CYP4F22: variants seen among roughly 807,000 people sequenced by gnomAD.
CYP4F22 encodes cytochrome P450 family 4 subfamily F member 22, also known as ultra-long-chain fatty acid omega-hydroxylase.
CYP4F22 carries 37 observed loss-of-function variants against 60.4 expected under a neutral mutation model. That is an observed-to-expected ratio of 0.61 (90% CI 0.47 to 0.81). The LOEUF is 0.81. Among genes scored for constraint, CYP4F22 ranks in the 30% least tolerant of loss-of-function variants. The pLI is 0.00. For synonymous variants in CYP4F22, 258 were observed against 280.5 expected (o/e 0.92, Z 0.80); for missense variants, 655 against 715.0 (o/e 0.92, Z 0.96).
intron 3 of CYP4F22, among the ~76,000 whole-genome samples, chr19:15,526,249 C>T (rs898042146): frequency 6.6e-5 from 10 of 152,062 alleles, no homozygotes; most frequent in African/African-American, 2.2e-4. Flanking sequence ...GTTTGGAATC[C>T]CAGGGCAGGG....
At chr19:15,534,951 TA>T (rs2144524674) in intron 4 of CYP4F22, among the ~76,000 whole-genome samples, 1 of 152,244 alleles carries the variant, frequency 6.6e-6, no homozygotes, top group African/African-American at 2.4e-5. Flanking sequence ...GACTGACAGT[TA>T]AGCAGGAACT....
At chr19:15,514,843 C>T (rs1178139837) in intron 1 of CYP4F22, among the ~76,000 whole-genome samples, 1 of 152,050 alleles carries the variant, frequency 6.6e-6, no homozygotes, top group Non-Finnish European at 1.5e-5. Context: ...AGTGGTGGGG[C>T]CGTGGCACAC....
chr19:15,535,756 A>G (rs1971388305), intron 4 of CYP4F22, among the ~76,000 whole-genome samples: 1 of 151,978 alleles, frequency 6.6e-6, no homozygotes, highest in Admixed American at 6.6e-5. Flanking sequence ...CTGTCCCTCT[A>G]CTCATCCATC....
intron 1 of CYP4F22, chr19:15,515,970 G>C (rs1475972411): frequency 6.6e-6 from 1 of 151,982 alleles, no homozygotes; most frequent in East Asian, 2.0e-4. Flanking sequence ...TGATCTGCCC[G>C]CCTCAGCCTC....
At chr19:15,523,384 C>A (rs747674175) in intron 1 of CYP4F22, among the ~76,000 whole-genome samples, 27 of 150,688 alleles carry the variant, frequency 1.8e-4, no homozygotes, top group Non-Finnish European at 2.8e-4. Flanking sequence ...AAAAAACTCA[C>A]AACAAGATCC....
rs763931799 is a variant in CYP4F22, at chr19:15,549,211, C to T, written c.1335+9C>T. On this transcript the variant is annotated intron_variant, in intron 12 of 13. Coordinates refer to ENST00000269703, the MANE Select transcript of CYP4F22 (RefSeq NM_173483.4). ...TGTGGCCTGACTCCAAGGTGAGTGC[C>T]TGCCCCACTCCTCCCTGCCCTCAGG... 2.5e-6 allele frequency: 4 copies of T among 1,614,050 alleles called. No individual in the cohort carries two copies. In the East Asian group the frequency reaches 8.9e-5, roughly 36 times the overall value.
intron 1 of CYP4F22, among the ~76,000 whole-genome samples, chr19:15,510,460 G>A (rs998580689): frequency 6.6e-6 from 1 of 152,122 alleles, no homozygotes; most frequent in African/African-American, 2.4e-5. Flanking sequence ...TGTCTTAATG[G>A]ATGAAGAAAT....
rs766310614 is a variant in CYP4F22 at position 15,540,693 on chromosome 19, T to C, written c.915T>C (p.Phe305=). ...LKAKQGKTLD[F]IDVLLLARDE... is the part of the protein sequence containing the mutation. ...CCAAGCAGGGGAAGACCTTGGACTT[T>C]ATTGATGTGCTGCTCCTGGCCAGGG... Residue 305 remains phenylalanine (F), a synonymous_variant, in exon 8 of 14, where the codon TTT becomes TTC. Coordinates refer to ENST00000269703, the MANE Select transcript of CYP4F22 (RefSeq NM_173483.4). The C allele has an allele frequency of 1.9e-6, 3 of 1,613,898 alleles. No homozygotes were observed. The highest frequency in any genetic ancestry group is 1.1e-5 in the South Asian group (1 of 91,066).
intron 4 of CYP4F22, among the ~76,000 whole-genome samples, chr19:15,532,417 C>G (rs1351912961): frequency 6.6e-6 from 1 of 151,800 alleles, no homozygotes; most frequent in African/African-American, 2.4e-5. Context: ...CTCTGTCACC[C>G]AGGCTGGAGT....
intron 1 of CYP4F22, chr19:15,516,979 A>T (rs1406756310): frequency 5.4e-6 from 1 of 184,896 alleles, no homozygotes; most frequent in African/African-American, 2.4e-5. Flanking sequence ...ACAGGCACGC[A>T]TGGCTGATTT....
chr19:15,549,529 ACTGGG>A (rs1971570848), intron 12 of CYP4F22, among the ~76,000 whole-genome samples: 1 of 152,044 alleles, frequency 6.6e-6, no homozygotes, highest in African/African-American at 2.4e-5. Flanking sequence ...AGAAAGAAAA[ACTGGG>A]CCAGTTCCGG....
intron 1 of CYP4F22, among the ~76,000 whole-genome samples, chr19:15,520,774 GTT>G (rs113575189): frequency 1.9e-5 from 2 of 107,800 alleles, no homozygotes. Context: ...TTGTTTTTTT[GTT>G]TTTTTTTTTT....
rs1450640768 is a variant in CYP4F22 at position 15,551,661 on chromosome 19, AG to A, written c.*195del. 4.3e-6 allele frequency: 3 copies of A among 700,032 alleles called. No homozygotes were observed. Among genetic ancestry groups the A allele is most frequent in the South Asian group, 3.8e-5 (2 of 52,428 alleles). 43.4% of individuals were successfully genotyped at this position (700,032 alleles called of 1,614,324 possible). A position where few individuals can be genotyped will look rare whatever the true frequency, so the allele number is the denominator to read the frequency against. ...CCCTCAAGGCAAGGCTCCTCCCCTT[AG>A]GGGGCCTGATCCCGCCCCTTGAGGC... On this transcript the variant is annotated 3_prime_UTR_variant, in exon 14 of 14. Transcript: ENST00000269703.
intron 10 of CYP4F22, among the ~76,000 whole-genome samples, chr19:15,546,187 G>A (rs1373884327): frequency 6.6e-6 from 1 of 152,108 alleles, no homozygotes; most frequent in South Asian, 2.1e-4. Flanking sequence ...TGTTGCCCAG[G>A]CTGCTCTCAA....
chr19:15,541,408 C>T (rs1339168108), intron 8 of CYP4F22, among the ~76,000 whole-genome samples: 1 of 152,120 alleles, frequency 6.6e-6, no homozygotes, highest in African/African-American at 2.4e-5. Context: ...CTGTCTTCGT[C>T]TCTTTGTATA....
At chr19:15,529,885 A>G (rs1347283384) in intron 4 of CYP4F22, 32 bp downstream of exon 4, 1 of 1,613,232 alleles carries the variant, frequency 6.2e-7, no homozygotes, top group African/African-American at 1.3e-5. Context: ...TCTATGGTTG[A>G]GTCCTCAACT....
At position 15,540,506 on chromosome 19, in the gene CYP4F22, G is replaced by A. The variant is rs118203937; in HGVS notation, c.728G>A (p.Arg243His). ...IIELSALSVR[R>H]QYRLHHYLDF... ...GAACTGAGCGCTCTGTCTGTCCGGC[G>A]CCAGTATCGCTTGCACCACTACCTC... Residue 243 changes from arginine (R) to histidine (H), a missense_variant, in exon 8 of 14, where the codon CGC (arginine) becomes CAC (histidine). Coordinates refer to ENST00000269703, the MANE Select transcript of CYP4F22 (RefSeq NM_173483.4). 2.2e-5 allele frequency: 36 copies of A among 1,614,168 alleles called. No individual in the cohort carries two copies. Among genetic ancestry groups the A allele is most frequent in the African/African-American group, 4.0e-5 (3 of 75,034 alleles).
chr19:15,524,631 C>G (rs1166096295), intron 2 of CYP4F22, among the ~76,000 whole-genome samples: 1 of 150,536 alleles, frequency 6.6e-6, no homozygotes. Flanking sequence ...AGCTGGGTGA[C>G]AGAGGAGACC....
chr19:15,548,000 AGAGTGTGTGTGTGTGTGT>A (rs1971550085), intron 10 of CYP4F22, 90 bp from the exon 11 acceptor site: 8 of 294,440 alleles, frequency 2.7e-5, no homozygotes, highest in South Asian at 6.8e-5. Flanking sequence ...AGAGAGGGAG[AGAGTGTGTGTGTGTGTGT>A]GTGTGTGTGT....
Sources: allele counts gnomAD v4.1 joint callset (sites outside exome capture counted in the v4.1 genomes callset), GRCh38; gene constraint gnomAD v4.1.1; transcripts MANE v1.5; gene names NCBI Gene and HGNC (gene_info 2026-07-23, HGNC 2026-07-21).